SYNE2: variants seen among roughly 807,000 people sequenced by gnomAD.
The protein encoded by SYNE2 is nesprin-2.
Under a neutral mutation model 856.3 loss-of-function variants are expected in SYNE2, and 431 were observed. The observed-to-expected ratio is 0.50, with a 90% CI of 0.47 to 0.55. The LOEUF is 0.55. SYNE2 is among the 20% of genes least tolerant of loss of function. The probability of loss-of-function intolerance (pLI) is 0.00; values close to 1 mark genes in which losing one functional copy is unlikely to be tolerated. For missense variants in SYNE2, 8,129 were observed against 8,023.2 expected (o/e 1.01, Z -0.50); for synonymous variants, 2,923 against 2,872.3 (o/e 1.02, Z -0.56).
chr14:64,224,662 C>T, intron 114 of SYNE2, 115 bp downstream of exon 114: 2 of 1,159,920 alleles, frequency 1.7e-6, no homozygotes, highest in Non-Finnish European at 2.5e-6. Context: ...GCACAGGTCT[C>T]TGCTGACCCA....
intron 7 of SYNE2, among the ~76,000 whole-genome samples, chr14:63,951,850 A>G (rs913795725): frequency 6.6e-6 from 1 of 152,108 alleles, no homozygotes; most frequent in Non-Finnish European, 1.5e-5. Context: ...AAAGCCCCAT[A>G]TATTTTACAA....
At chr14:63,867,322 A>G (rs928771538) in intron 1 of SYNE2, among the ~76,000 whole-genome samples, 2 of 152,022 alleles carry the variant, frequency 1.3e-5, no homozygotes, top group African/African-American at 4.8e-5. Flanking sequence ...TATAGTTACC[A>G]AACTAAAATT....
chr14:64,139,950 A>C lies in SYNE2; in HGVS notation c.14853A>C (p.Arg4951Ser), dbSNP rs200542174. 6.2e-7 allele frequency: 1 copy of C among 1,614,096 alleles called. No individual in the cohort carries two copies. Among genetic ancestry groups the C allele is most frequent in the Admixed American group, 1.7e-5 (1 of 60,024 alleles). ...ALLKHLLSYN[R>S]DSDQLTKWLE... is the part of the protein sequence containing the mutation. The stretch of plus-strand genomic sequence containing the variant: ...ACTTTGCTCCTGTTAGTTATAACAG[A>C]GATTCGGATCAGTTAACCAAGTGGT... The change falls in exon 80 of 116, where the codon AGA (arginine) becomes AGC (serine). Residue 4951 changes from arginine to serine, a missense_variant. Coordinates refer to ENST00000555002, the MANE Select transcript of SYNE2 (RefSeq NM_182914.3).
Position 64,163,443 on chromosome 14 carries a change from C to G in SYNE2, c.16341C>G (p.Leu5447=). 4 of 1,614,148 alleles carry G rather than the reference C, an allele frequency of 2.5e-6. No homozygotes were observed. The highest frequency in any genetic ancestry group is 3.4e-6 in the Non-Finnish European group (4 of 1,180,034). ...TGCAGAAAACAAAAGAAGCCTTTCT[C>G]CAAAATTCCAGTGTCCTGGATCGAC... ...HDVQKTKEAF[L]QNSSVLDRLP... The change falls in exon 89 of 116, where the codon CTC becomes CTG. Residue 5447 remains leucine, a synonymous_variant. Coordinates refer to ENST00000555002, the MANE Select transcript of SYNE2 (RefSeq NM_182914.3).
intron 42 of SYNE2, 51 bp downstream of exon 42, chr14:64,026,781 C>T (rs2096982990): frequency 6.4e-7 from 1 of 1,563,054 alleles, no homozygotes; most frequent in Non-Finnish European, 8.7e-7. Context: ...CCCAGTGAAG[C>T]CATAACAAGT....
At chr14:63,940,550 T>C (rs922987346) in intron 2 of SYNE2, 64 bp from the exon 3 acceptor site, 2 of 1,462,892 alleles carry the variant, frequency 1.4e-6, no homozygotes, top group Non-Finnish European at 1.9e-6. Context: ...TTTGAAGCTC[T>C]GATATGTGCA....
chr14:63,762,129 C>A, intron 1 of SYNE2: 1 of 410,512 alleles, frequency 2.4e-6, no homozygotes, highest in South Asian at 1.9e-5. Context: ...TAGAAGATTC[C>A]TATAGAAAGC....
chr14:64,017,803 AT>A, intron 34 of SYNE2, 47 bp downstream of exon 34: 1 of 1,569,226 alleles, frequency 6.4e-7, no homozygotes, highest in Non-Finnish European at 8.8e-7. Context: ...CACAATTGAC[AT>A]TTTTTATTTT....
Position 63,909,179 on chromosome 14 carries a change from G to A in SYNE2, c.31G>A (p.Asp11Asn), listed in dbSNP as rs1261591968. 2 of 1,613,290 alleles carry A rather than the reference G, an allele frequency of 1.2e-6. No homozygotes were observed. The highest frequency in any genetic ancestry group is 3.3e-5 in the Admixed American group (2 of 59,914). Residue 11 changes from aspartate (D) to asparagine (N), a missense_variant, in exon 2 of 116, where the codon GAT becomes AAT. Asp to Asn is a conservative substitution (Grantham distance 23, BLOSUM62 1). Transcript: ENST00000555002. The part of the protein sequence containing the change: MASSPELPTE[D>N]EQGSWGIDDL... ...ATCTAGTCCTGAGCTTCCCACCGAAGATGAACAGGGTTCCTGGGGCATCGA... is the reference window on the plus strand; with the variant it reads ...ATCTAGTCCTGAGCTTCCCACCGAAAATGAACAGGGTTCCTGGGGCATCGA...
intron 45 of SYNE2, among the ~76,000 whole-genome samples, chr14:64,045,594 A>T (rs911094258): frequency 6.6e-6 from 1 of 152,130 alleles, no homozygotes; most frequent in Non-Finnish European, 1.5e-5. Context: ...GCCTTCCTGG[A>T]TCTTTCCCCT....
At chr14:64,219,803 G>A (rs1286398177) in intron 110 of SYNE2, among the ~76,000 whole-genome samples, 1 of 152,214 alleles carries the variant, frequency 6.6e-6, no homozygotes, top group Non-Finnish European at 1.5e-5. Context: ...TTCCTTGAAA[G>A]GGCTTGGGAA....
intron 3 of SYNE2, among the ~76,000 whole-genome samples, chr14:63,941,247 A>C (rs904421751): frequency 6.6e-6 from 1 of 152,206 alleles, no homozygotes; most frequent in Non-Finnish European, 1.5e-5. Flanking sequence ...GAGTGTCTAG[A>C]GTAACCTAGA....
intron 2 of SYNE2, among the ~76,000 whole-genome samples, chr14:63,933,685 T>C (rs1451672816): frequency 1.3e-5 from 2 of 152,234 alleles, no homozygotes; most frequent in Non-Finnish European, 2.9e-5. Flanking sequence ...TTTCTTATTC[T>C]CTATTCCCTT....
chr14:64,078,336 A>T (rs2097486818), intron 54 of SYNE2, 130 bp from the exon 55 acceptor site: 28 of 1,067,744 alleles, frequency 2.6e-5, no homozygotes, highest in Non-Finnish European at 3.6e-5. Context: ...CATTTGCCAG[A>T]ATTTCTTCCC....
rs374946613 is a variant in SYNE2, at chr14:64,051,918, A to G, written c.8005A>G (p.Thr2669Ala). 1.8e-4 allele frequency: 290 copies of G among 1,613,792 alleles called. No individual in the cohort carries two copies. The highest frequency in any genetic ancestry group is 2.3e-4 in the Non-Finnish European group (272 of 1,180,046). ...AGGGAACCAAAGCATGATTGCCTTG[A>G]CCACTGACCTCCAGGCTACCAAGCA... ...RAGNQSMIAL[T>A]TDLQATKHGF... Residue 2669 changes from threonine (T) to alanine (A), a missense_variant, in exon 48 of 116, where the codon ACC (threonine) becomes GCC (alanine). Around this residue, in one of 3 missense-constraint regions of SYNE2, gnomAD observed 5,410 missense variants for 5,284.8 expected, o/e 1.02. Transcript: ENST00000555002.
At chr14:64,081,391 C>G in intron 56 of SYNE2, 52 bp from the exon 57 acceptor site, 1 of 1,611,832 alleles carries the variant, frequency 6.2e-7, no homozygotes, top group African/African-American at 1.3e-5. Flanking sequence ...AGGAGTCATT[C>G]AGCTCCAGTA....
At chr14:63,919,926 A>G (rs182492847) in intron 2 of SYNE2, among the ~76,000 whole-genome samples, 66 of 150,978 alleles carry the variant, frequency 4.4e-4, no homozygotes, top group East Asian at 7.8e-4. Context: ...TACTTTCAAG[A>G]AACTTTGCTG....
At chr14:64,220,122 C>A (rs1031106335) in intron 110 of SYNE2, among the ~76,000 whole-genome samples, 3 of 152,174 alleles carry the variant, frequency 2.0e-5, no homozygotes, top group Non-Finnish European at 4.4e-5. Context: ...TGCAGAATAA[C>A]CACATATACT....
Position 64,183,038 on chromosome 14 carries a change from A to G in SYNE2, c.17557-3386A>G, listed in dbSNP as rs369656717. The stretch of plus-strand genomic sequence containing the variant: ...GGGGCTGCCCCCGCCTCCCTCCCGG[A>G]CGGGGCGGCTGCTGGGCGGAGACGC... On this transcript the variant is annotated intron_variant, in intron 96 of 115. Transcript: ENST00000555002. 9.8e-3 allele frequency among the ~76,000 whole-genome samples: 1,400 copies of G among 142,456 alleles called. 37 individuals carry two copies. In the East Asian group the frequency reaches 0.099, roughly 10 times the overall value. The allele number at this position is 142,456 out of a possible 152,430, so 93.5% of individuals were successfully genotyped here.
Sources: allele counts gnomAD v4.1 joint callset (sites outside exome capture counted in the v4.1 genomes callset), GRCh38; gene constraint gnomAD v4.1.1; regional missense constraint gnomAD v4.1.1; transcripts MANE v1.5; gene names NCBI Gene and HGNC (gene_info 2026-07-23, HGNC 2026-07-21).